BRIP1: variants seen among roughly 807,000 people sequenced by gnomAD.
BRIP1 encodes the protein Fanconi anemia group J protein.
In BRIP1, 88 loss-of-function variants were observed where a neutral mutation model predicts 119.7. The observed-to-expected ratio is 0.74, with a 90% CI of 0.62 to 0.88. BRIP1 has a LOEUF of 0.88. Ranked by LOEUF, BRIP1 falls within the 40% of genes least tolerant of loss-of-function variation. The pLI is 0.00. For missense variants in BRIP1, 1,259 were observed against 1,455.4 expected (o/e 0.87, Z 2.20); for synonymous variants, 443 against 496.5 (o/e 0.89, Z 1.43).
At position 61,823,995 on chromosome 17, in the gene BRIP1, A is replaced by T. The variant is rs1271889003; in HGVS notation, c.628-15238T>A. Among the ~76,000 whole-genome samples, 1 of 152,198 alleles carries T rather than the reference A, an allele frequency of 6.6e-6. No individual in the cohort carries two copies. Among genetic ancestry groups the T allele is most frequent in the Non-Finnish European group, 1.5e-5 (1 of 68,034 alleles). On this transcript the variant is annotated intron_variant, in intron 6 of 19. Coordinates refer to ENST00000259008, the MANE Select transcript of BRIP1 (RefSeq NM_032043.3). This position sits in a 1 kb window ranked among gnomAD's most constrained non-coding sequence, Gnocchi z 4.8. ...CACCTGCCTAATTTTTTGTATTTTT[A>T]GTAGACACAGGGTGTCACCATGTTA...
In BRIP1 at chr17:61,709,145, T is replaced by A. The variant is rs948180779; in HGVS notation, c.2492+6806A>T. ...TGACATTTTAGATTGCTCCAAATCC[T>A]AGGCTTTTTCATGCATAAATCTGAA... On this transcript the variant is annotated intron_variant, in intron 17 of 19. Coordinates refer to ENST00000259008, the MANE Select transcript of BRIP1 (RefSeq NM_032043.3). This position sits in a 1 kb window ranked among gnomAD's most constrained non-coding sequence, Gnocchi z 5.0. 4.6e-5 allele frequency among the ~76,000 whole-genome samples: 7 copies of A among 152,204 alleles called. No homozygotes were observed. Among genetic ancestry groups the A allele is most frequent in the Non-Finnish European group, 1.0e-4 (7 of 68,042 alleles).
chr17:61,764,929 A>G (rs1164677746), intron 14 of BRIP1, among the ~76,000 whole-genome samples: 1 of 152,106 alleles, frequency 6.6e-6, no homozygotes, highest in African/African-American at 2.4e-5. Flanking sequence ...TCATTGTAAC[A>G]GTATTAACAG....
chr17:61,846,075 G>T lies in BRIP1; in HGVS notation c.627+1026C>A, dbSNP rs371950727. On this transcript the variant is annotated intron_variant, in intron 6 of 19. Transcript: ENST00000259008. The surrounding 1 kb of genome is among the most constrained non-coding windows in gnomAD (Gnocchi z 4.3). Reference sequence around the variant, plus strand: ...CAGGCGCCTGTAGTCCCAACTACTCGGGAGGTTGAGGCAGGAGAATGGCAT... The same window carrying T: ...CAGGCGCCTGTAGTCCCAACTACTCTGGAGGTTGAGGCAGGAGAATGGCAT... Among the ~76,000 whole-genome samples the T allele has an allele frequency of 1.8e-4, 27 of 151,950 alleles. No individual in the cohort carries two copies. Among genetic ancestry groups the T allele is most frequent in the East Asian group, 1.4e-3 (7 of 5,174 alleles).
Position 61,743,127 on chromosome 17 carries a change from A to C in BRIP1, c.2265T>G (p.Ala755=). 2.5e-6 allele frequency: 4 copies of C among 1,614,048 alleles called. No homozygotes were observed. Among genetic ancestry groups the C allele is most frequent in the Non-Finnish European group, 3.4e-6 (4 of 1,179,932 alleles). Residue 755 remains alanine (A), a synonymous_variant, in exon 16 of 20, where the codon GCT becomes GCG. Coordinates refer to ENST00000259008, the MANE Select transcript of BRIP1 (RefSeq NM_032043.3). This position sits in a 1 kb window ranked among gnomAD's most constrained non-coding sequence, Gnocchi z 4.3. The stretch of plus-strand genomic sequence containing the variant: ...TACCACGACAAACTGCTACCAGGAG[A>C]GCTCCATCTTAAACAACAGAAAAAA... ...AIKYKGEKDG[A]LLVAVCRGKV...
rs918099416 is a variant in BRIP1, at chr17:61,804,998, G to A, written c.918+3469C>T. ...TGTGTGTGTGTGTGTGTGTGTGTGTGTGTAAAATTAAATTGTATTTGTATA... is the reference window on the plus strand; with the variant it reads ...TGTGTGTGTGTGTGTGTGTGTGTGTATGTAAAATTAAATTGTATTTGTATA... On this transcript the variant is annotated intron_variant, in intron 7 of 19. Coordinates refer to ENST00000259008, the MANE Select transcript of BRIP1 (RefSeq NM_032043.3). This position sits in a 1 kb window ranked among gnomAD's most constrained non-coding sequence, Gnocchi z 4.5. Among the ~76,000 whole-genome samples, 5 of 120,840 alleles carry A rather than the reference G, an allele frequency of 4.1e-5. No homozygotes were observed. The highest frequency in any genetic ancestry group is 1.3e-4 in the African/African-American group (4 of 31,634). The allele number at this position is 120,840 out of a possible 152,430, so 79.3% of individuals were successfully genotyped here.
At chr17:61,697,327 A>C (rs2061541812) in intron 17 of BRIP1, among the ~76,000 whole-genome samples, 1 of 104,874 alleles carries the variant, frequency 9.5e-6, no homozygotes, top group African/African-American at 4.0e-5. Context: ...ACAGTGTGAG[A>C]CTCTGTCTCA....
chr17:61,760,299 G>A lies in BRIP1; in HGVS notation c.2098-15708C>T, dbSNP rs552258929. Reference sequence around the variant, plus strand: ...CCAAAACTTAAGGGATGCAGCAAACGTAGTCCTAAGAGGAAAGTTTACAAT... The same window carrying A: ...CCAAAACTTAAGGGATGCAGCAAACATAGTCCTAAGAGGAAAGTTTACAAT... On this transcript the variant is annotated intron_variant, in intron 14 of 19. Coordinates refer to ENST00000259008, the MANE Select transcript of BRIP1 (RefSeq NM_032043.3). The surrounding 1 kb of genome is among the most constrained non-coding windows in gnomAD (Gnocchi z 4.6). Among the ~76,000 whole-genome samples, 4 of 151,884 alleles carry A rather than the reference G, an allele frequency of 2.6e-5. No homozygotes were observed. Among genetic ancestry groups the A allele is most frequent in the South Asian group, 2.1e-4 (1 of 4,822 alleles).
In BRIP1 at chr17:61,814,446, C is replaced by G. The variant is rs1454548133; in HGVS notation, c.628-5689G>C. Among the ~76,000 whole-genome samples, 1 of 151,960 alleles carries G rather than the reference C, an allele frequency of 6.6e-6. No individual in the cohort carries two copies. On this transcript the variant is annotated intron_variant, in intron 6 of 19. Transcript: ENST00000259008. The surrounding 1 kb of genome is among the most constrained non-coding windows in gnomAD (Gnocchi z 4.9). ...AACCCTACAGAAAACCAAGAACAGG[C>G]AAATCACAGAAGAGAAAAGCTGAAA...
At chr17:61,812,509 G>A (rs966932878) in intron 6 of BRIP1, among the ~76,000 whole-genome samples, 7 of 151,430 alleles carry the variant, frequency 4.6e-5, no homozygotes, top group Non-Finnish European at 8.8e-5. Flanking sequence ...TTAAGAAATG[G>A]CTTCTTCTCC....
chr17:61,740,974 T>C lies in BRIP1; in HGVS notation c.2379+2039A>G, dbSNP rs539109717. Reference sequence around the variant, plus strand: ...TTTCACAATAGATTTCTCTGTGGCATAAGATGCTCTTTGATAGCATTTTAC... The same window carrying C: ...TTTCACAATAGATTTCTCTGTGGCACAAGATGCTCTTTGATAGCATTTTAC... On this transcript the variant is annotated intron_variant, in intron 16 of 19. Transcript: ENST00000259008. The surrounding 1 kb of genome is among the most constrained non-coding windows in gnomAD (Gnocchi z 5.4). Among the ~76,000 whole-genome samples, 14 of 152,316 alleles carry C rather than the reference T, an allele frequency of 9.2e-5. No individual in the cohort carries two copies. The highest frequency in any genetic ancestry group is 6.2e-4 in the South Asian group (3 of 4,828).
At position 61,699,316 on chromosome 17, in the gene BRIP1, A is replaced by T. The variant is rs1417618280; in HGVS notation, c.2493-5804T>A. 6.6e-6 allele frequency among the ~76,000 whole-genome samples: 1 copy of T among 152,170 alleles called. No homozygotes were observed. The highest frequency in any genetic ancestry group is 1.9e-4 in the East Asian group (1 of 5,194). ...TACTCAGCTATTTTGTAAAATACTC[A>T]CTTTGCTATTTGCTTTCTATATGCC... On this transcript the variant is annotated intron_variant, in intron 17 of 19. Coordinates refer to ENST00000259008, the MANE Select transcript of BRIP1 (RefSeq NM_032043.3). This position sits in a 1 kb window ranked among gnomAD's most constrained non-coding sequence, Gnocchi z 4.8.
Position 61,861,764 on chromosome 17 carries a change from G to C in BRIP1, c.-30-195C>G, listed in dbSNP as rs73332552. 784 of 580,586 alleles carry C rather than the reference G, an allele frequency of 1.4e-3. 5 individuals carry two copies. Among genetic ancestry groups the C allele is most frequent in the African/African-American group, 0.013 (692 of 53,580 alleles). 36.0% of individuals were successfully genotyped at this position (580,586 alleles called of 1,614,324 possible). On this transcript the variant is annotated intron_variant, in intron 1 of 19. Coordinates refer to ENST00000259008, the MANE Select transcript of BRIP1 (RefSeq NM_032043.3). The surrounding 1 kb of genome is among the most constrained non-coding windows in gnomAD (Gnocchi z 4.5). ...CATGTCTTAGAGTCTAACAAATCTA[G>C]ATTTGTATCCTTCACTCTGCCAGGT...
chr17:61,746,175 T>C lies in BRIP1; in HGVS notation c.2098-1584A>G, dbSNP rs2077055172. 6.6e-6 allele frequency among the ~76,000 whole-genome samples: 1 copy of C among 152,180 alleles called. No individual in the cohort carries two copies. The highest frequency in any genetic ancestry group is 2.1e-4 in the South Asian group (1 of 4,830). ...TAAAACAAAACATTAGTAAAATAGT[T>C]AACTGCTGTACAATATGCTTTAATT... On this transcript the variant is annotated intron_variant, in intron 14 of 19. Transcript: ENST00000259008. This position sits in a 1 kb window ranked among gnomAD's most constrained non-coding sequence, Gnocchi z 4.9.
rs1009894536 is a variant in BRIP1, at chr17:61,852,597, G to A, written c.380-3341C>T. On this transcript the variant is annotated intron_variant, in intron 4 of 19. Transcript: ENST00000259008. This position sits in a 1 kb window ranked among gnomAD's most constrained non-coding sequence, Gnocchi z 4.9. ...GCAGGAGAATTGCTTGAGCCTGGGA[G>A]CTGGCCAGTGCAGTGAGTTGAGATC... Among the ~76,000 whole-genome samples the A allele has an allele frequency of 7.2e-5, 11 of 152,136 alleles. No homozygotes were observed. The highest frequency in any genetic ancestry group is 2.4e-4 in the African/African-American group (10 of 41,432).
chr17:61,772,469 A>G (rs1007637688), intron 14 of BRIP1, among the ~76,000 whole-genome samples: 2 of 151,994 alleles, frequency 1.3e-5, no homozygotes, highest in African/African-American at 4.8e-5. Flanking sequence ...AGGTTCTGAA[A>G]ATAGATAGTG....
Position 61,807,949 on chromosome 17 carries a change from A to C in BRIP1, c.918+518T>G, listed in dbSNP as rs1453359237. Among the ~76,000 whole-genome samples, 1 of 152,144 alleles carries C rather than the reference A, an allele frequency of 6.6e-6. No individual in the cohort carries two copies. Among genetic ancestry groups the C allele is most frequent in the Non-Finnish European group, 1.5e-5 (1 of 68,000 alleles). On this transcript the variant is annotated intron_variant, in intron 7 of 19. Coordinates refer to ENST00000259008, the MANE Select transcript of BRIP1 (RefSeq NM_032043.3). The surrounding 1 kb of genome is among the most constrained non-coding windows in gnomAD (Gnocchi z 4.5). ...CAAAACCACCAATGACATCTTTTGAAAGTTAATAATTTAGTATAACTTTTA... is the reference window on the plus strand; with the variant it reads ...CAAAACCACCAATGACATCTTTTGACAGTTAATAATTTAGTATAACTTTTA...
chr17:61,705,716 T>C lies in BRIP1; in HGVS notation c.2492+10235A>G, dbSNP rs980421744. ...ATAAATATCCATCTGAGCACTGCTT[T>C]AGCTGCAGTCCTTACATTTTGATAT... On this transcript the variant is annotated intron_variant, in intron 17 of 19. Transcript: ENST00000259008. This position sits in a 1 kb window ranked among gnomAD's most constrained non-coding sequence, Gnocchi z 5.0. Among the ~76,000 whole-genome samples, 33 of 152,188 alleles carry C rather than the reference T, an allele frequency of 2.2e-4. No homozygotes were observed. The highest frequency in any genetic ancestry group is 7.5e-4 in the African/African-American group (31 of 41,446).
chr17:61,785,078 T>C (rs1207307716), intron 10 of BRIP1, among the ~76,000 whole-genome samples: 1 of 152,158 alleles, frequency 6.6e-6, no homozygotes, highest in Non-Finnish European at 1.5e-5. Flanking sequence ...AGGGTATTAT[T>C]TGGTGCCTTT....
chr17:61,744,190 T>C lies in BRIP1; in HGVS notation c.2257+242A>G, dbSNP rs1369260494. On this transcript the variant is annotated intron_variant, in intron 15 of 19. Transcript: ENST00000259008. This position sits in a 1 kb window ranked among gnomAD's most constrained non-coding sequence, Gnocchi z 5.0. ...GCACAAACTATTTCAGGTAGTGCACTGAAGACTGTGAGATGATGGCATCGT... is the reference window on the plus strand; with the variant it reads ...GCACAAACTATTTCAGGTAGTGCACCGAAGACTGTGAGATGATGGCATCGT... Among the ~76,000 whole-genome samples the C allele has an allele frequency of 6.6e-6, 1 of 152,180 alleles. No homozygotes were observed. The highest frequency in any genetic ancestry group is 1.9e-4 in the East Asian group (1 of 5,194).
Sources: gnomAD v4.1 joint callset for allele counts (sites outside exome capture counted in the v4.1 genomes callset) on GRCh38, gnomAD v4.1.1 for gene constraint, Gnocchi (gnomAD v3.1) non-coding constraint, MANE v1.5 for transcripts, NCBI Gene and HGNC (gene_info 2026-07-23, HGNC 2026-07-21) for gene names.